The following VWA8 variants were observed in gnomAD, a reference collection of about 807,000 sequenced individuals.
The protein encoded by VWA8 is von Willebrand factor A domain-containing protein 8.
Under a neutral mutation model 241.5 loss-of-function variants are expected in VWA8, and 221 were observed. That is an observed-to-expected ratio of 0.91 (90% CI 0.82 to 1.02). The LOEUF is 1.02. Ranked by LOEUF, VWA8 falls within the 50% of genes least tolerant of loss-of-function variation. The pLI, the probability that VWA8 is intolerant of heterozygous loss-of-function variation, is 0.00. For synonymous variants in VWA8, 852 were observed against 827.1 expected, an observed-to-expected ratio of 1.03 and a Z score of -0.52; for missense variants, 2,322 against 2,328.7, an observed-to-expected ratio of 1.00 and a Z score of 0.06.
chr13:41,697,827 C>T (rs1286814757), intron 29 of VWA8, among the ~76,000 whole-genome samples: 1 of 152,132 alleles, frequency 6.6e-6, no homozygotes, highest in Non-Finnish European at 1.5e-5. Context: ...TGCTTCTCAC[C>T]ACCCCCTTCA....
At chr13:41,589,409 G>A (rs187626332) in intron 41 of VWA8, among the ~76,000 whole-genome samples, 1 of 151,748 alleles carries the variant, frequency 6.6e-6, no homozygotes, top group African/African-American at 2.4e-5. Context: ...GGTTTCTCTA[G>A]GCTTAATAGA....
At chr13:41,924,518 C>T (rs1876735563) in intron 2 of VWA8, among the ~76,000 whole-genome samples, 1 of 151,878 alleles carries the variant, frequency 6.6e-6, no homozygotes, top group Non-Finnish European at 1.5e-5. Context: ...GAAGACAGCC[C>T]ATGGGACTTA....
intron 2 of VWA8, among the ~76,000 whole-genome samples, chr13:41,931,299 A>C (rs948728285): frequency 6.8e-6 from 1 of 146,114 alleles, no homozygotes; most frequent in African/African-American, 2.5e-5. Context: ...AAAAAAAAAA[A>C]AAAAACCCCT....
intron 20 of VWA8, among the ~76,000 whole-genome samples, chr13:41,765,623 T>C (rs1396232840): frequency 6.6e-6 from 1 of 152,196 alleles, no homozygotes; most frequent in East Asian, 1.9e-4. Flanking sequence ...TTTTCCATTA[T>C]AAAGTTACAC....
chr13:41,732,035 A>G, intron 22 of VWA8, 45 bp downstream of exon 22: 1 of 1,549,740 alleles, frequency 6.5e-7, no homozygotes, highest in Non-Finnish European at 8.9e-7. Flanking sequence ...TACAACTATG[A>G]TACAAAAATA....
intron 2 of VWA8, among the ~76,000 whole-genome samples, chr13:41,930,762 A>G (rs1333141234): frequency 6.6e-6 from 1 of 152,180 alleles, no homozygotes; most frequent in Non-Finnish European, 1.5e-5. Context: ...CCATCCCCGC[A>G]ATGTCGCAAA....
At chr13:41,646,345 T>C (rs2044832251) in intron 37 of VWA8, among the ~76,000 whole-genome samples, 2 of 152,288 alleles carry the variant, frequency 1.3e-5, no homozygotes, top group African/African-American at 2.4e-5. Context: ...ATTCATTCAG[T>C]GAGTAATGAT....
intron 37 of VWA8, among the ~76,000 whole-genome samples, chr13:41,628,379 G>T (rs2044706443): frequency 6.6e-6 from 1 of 152,028 alleles, no homozygotes; most frequent in South Asian, 2.1e-4. Context: ...ATACCCAAAA[G>T]AATATAAATT....
chr13:41,881,578 G>A (rs1443372875), intron 9 of VWA8, among the ~76,000 whole-genome samples: 4 of 149,790 alleles, frequency 2.7e-5, no homozygotes, highest in South Asian at 2.1e-4. Context: ...GAGCTGTTGG[G>A]TACACCTCCC....
chr13:41,929,151 A>ATTTT (rs367906772), intron 2 of VWA8, among the ~76,000 whole-genome samples: 2 of 126,670 alleles, frequency 1.6e-5, no homozygotes, highest in Non-Finnish European at 3.3e-5. Context: ...CTTGACTTTA[A>ATTTT]TTTTTTTTTT....
intron 40 of VWA8, among the ~76,000 whole-genome samples, chr13:41,598,718 C>T (rs1390059553): frequency 1.3e-5 from 2 of 152,068 alleles, no homozygotes; most frequent in Non-Finnish European, 2.9e-5. Flanking sequence ...ATCCTGCAGA[C>T]CTTGTTCCAC....
rs185102293 is a variant in VWA8 at position 41,734,890 on chromosome 13, A to G, written c.2427-2735T>C. On this transcript the variant is annotated intron_variant, in intron 21 of 44. Coordinates refer to ENST00000379310, the MANE Select transcript of VWA8 (RefSeq NM_015058.2). ...AGTGAAAAATACATTGTGGCAAGTTATTGGTGATTATAAACTTTTAGTATG... is the reference window on the plus strand; with the variant it reads ...AGTGAAAAATACATTGTGGCAAGTTGTTGGTGATTATAAACTTTTAGTATG... 6.6e-5 allele frequency among the ~76,000 whole-genome samples: 10 copies of G among 152,352 alleles called. No individual in the cohort carries two copies. In the East Asian group the frequency reaches 1.7e-3, roughly 26 times the overall value.
At chr13:41,896,932 T>C (rs1460901496) in intron 4 of VWA8, among the ~76,000 whole-genome samples, 1 of 152,182 alleles carries the variant, frequency 6.6e-6, no homozygotes, top group Non-Finnish European at 1.5e-5. Flanking sequence ...AAGTGTACAA[T>C]GATGTGTATT....
chr13:41,871,537 T>G (rs912910822), intron 9 of VWA8, among the ~76,000 whole-genome samples: 84 of 152,144 alleles, frequency 5.5e-4, no homozygotes, highest in Non-Finnish European at 1.1e-3. Context: ...TTCCCACCTA[T>G]GAGTGAGAAT....
chr13:41,829,398 C>A (rs966832647), intron 14 of VWA8, among the ~76,000 whole-genome samples: 3 of 151,848 alleles, frequency 2.0e-5, no homozygotes, highest in Non-Finnish European at 2.9e-5. Flanking sequence ...TGGGTATCTA[C>A]CCCCAAAAAA....
rs1361892607 is a variant in VWA8, at chr13:41,863,441, A to ATG, written c.1425+2294_1425+2295insCA. ...TGTGTGTGTGTGTGTGTGTATATAT[A>ATG]TATATATATATATTCACACACACAC... On this transcript the variant is annotated intron_variant, in intron 12 of 44. Transcript: ENST00000379310. Among the ~76,000 whole-genome samples the ATG allele has an allele frequency of 1.8e-5, 2 of 110,500 alleles. 1 individual carries two copies. The highest frequency in any genetic ancestry group is 1.9e-4 in the Admixed American group (2 of 10,516). 72.5% of individuals were successfully genotyped at this position (110,500 alleles called of 152,430 possible). A position where few individuals can be genotyped will look rare whatever the true frequency, so the allele number is the denominator to read the frequency against.
intron 37 of VWA8, among the ~76,000 whole-genome samples, chr13:41,664,224 T>A (rs1202601186): frequency 6.6e-6 from 1 of 152,146 alleles, no homozygotes; most frequent in East Asian, 1.9e-4. Flanking sequence ...TCCTTTTCCC[T>A]CTTTGATTTT....
At chr13:41,704,007 G>A (rs576464416) in intron 26 of VWA8, among the ~76,000 whole-genome samples, 12 of 152,060 alleles carry the variant, frequency 7.9e-5, no homozygotes, top group African/African-American at 1.4e-4. Context: ...TGATCTGCCC[G>A]CCTTGGCCTC....
At chr13:41,806,001 T>TAAAAAA (rs60826821) in intron 17 of VWA8, among the ~76,000 whole-genome samples, 3 of 118,942 alleles carry the variant, frequency 2.5e-5, no homozygotes, top group Admixed American at 8.3e-5. Context: ...AATTCAAAAA[T>TAAAAAA]AAAAAAAAAA....
Sources: gnomAD v4.1 joint callset for allele counts (sites outside exome capture counted in the v4.1 genomes callset) on GRCh38, gnomAD v4.1.1 for gene constraint, MANE v1.5 for transcripts, NCBI Gene and HGNC (gene_info 2026-07-23, HGNC 2026-07-21) for gene names.